Variants in SH3RF2 observed in about 807,000 individuals in gnomAD.
The protein encoded by SH3RF2 is SH3 domain containing ring finger 2, also known as E3 ubiquitin-protein ligase SH3RF2.
Under a neutral mutation model 59.0 loss-of-function variants are expected in SH3RF2, and 43 were observed. The ratio of observed to expected loss-of-function variants is 0.73; its 90% CI spans 0.57 to 0.94. The LOEUF (loss-of-function observed/expected upper bound fraction) is 0.94, where lower values mean the gene tolerates loss of function less well. Ranked by LOEUF, SH3RF2 falls within the 40% of genes least tolerant of loss-of-function variation. The probability of loss-of-function intolerance (pLI) is 0.00; values close to 1 mark genes in which losing one functional copy is unlikely to be tolerated. For synonymous variants in SH3RF2, 391 were observed against 391.5 expected (o/e 1.00, Z 0.01); for missense variants, 930 against 940.1 (o/e 0.99, Z 0.14).
intron 2 of SH3RF2, among the ~76,000 whole-genome samples, chr5:145,967,729 G>A (rs1433489366): frequency 1.3e-5 from 2 of 151,892 alleles, no homozygotes; most frequent in African/African-American, 2.4e-5. Flanking sequence ...GTACAATCTC[G>A]GCTCACTGCA....
In SH3RF2 at chr5:145,938,006, C is replaced by G. The variant is rs941904350; in HGVS notation, c.78C>G (p.Leu26=). Residue 26 remains leucine (L), a synonymous_variant, in exon 2 of 10, where the codon CTC becomes CTG. Coordinates refer to ENST00000359120, the MANE Select transcript of SH3RF2 (RefSeq NM_152550.4). ...AGCTCGATGTCACAGCCAAAGTCCT[C>G]CCTTGCCAGCACACCTTCTGCAAAC... is the stretch of plus-strand genomic sequence containing the variant. ...FEKLDVTAKV[L]PCQHTFCKPC... 6.2e-7 allele frequency: 1 copy of G among 1,614,218 alleles called. No individual in the cohort carries two copies. The highest frequency in any genetic ancestry group is 1.7e-5 in the Admixed American group (1 of 60,026).
intron 2 of SH3RF2, among the ~76,000 whole-genome samples, chr5:145,972,274 C>A (rs558565549): frequency 6.6e-6 from 1 of 152,100 alleles, no homozygotes; most frequent in East Asian, 1.9e-4. Context: ...AGGTCATGCC[C>A]TTAACTACAA....
chr5:145,938,070 C>G lies in SH3RF2; in HGVS notation c.142C>G (p.Arg48Gly). The change falls in exon 2 of 10, where the codon CGG (arginine) becomes GGG (glycine). Residue 48 changes from arginine to glycine, a missense_variant. By Grantham distance (125) the Arg-to-Gly change is moderately radical. Transcript: ENST00000359120. ...QRVFKAHKEL[R>G]CPECRTPVFS... is the part of the protein sequence containing the mutation. ...GGTTTTCAAGGCCCACAAAGAGCTG[C>G]GGTGCCCCGAATGCAGGACGCCTGT... 6.2e-7 allele frequency: 1 copy of G among 1,614,232 alleles called. No individual in the cohort carries two copies. The highest frequency in any genetic ancestry group is 8.5e-7 in the Non-Finnish European group (1 of 1,180,032).
chr5:146,014,866 A>G (rs1227122257), intron 5 of SH3RF2, among the ~76,000 whole-genome samples: 1 of 152,236 alleles, frequency 6.6e-6, no homozygotes, highest in Non-Finnish European at 1.5e-5. Context: ...GTGGCAATCC[A>G]GAAGCTGAAG....
rs143139281 is a variant in SH3RF2 at position 145,963,137 on chromosome 5, T to A, written c.378+24831T>A. 7.1e-4 allele frequency among the ~76,000 whole-genome samples: 108 copies of A among 152,064 alleles called. 1 individual carries two copies. The highest frequency in any genetic ancestry group is 2.3e-3 in the African/African-American group (96 of 41,500). ...TGGTCTCGATCTCCTGACCTCATAA[T>A]CCACCCACCTCGGCCTCCCAAAGTG... On this transcript the variant is annotated intron_variant, in intron 2 of 9. Coordinates refer to ENST00000359120, the MANE Select transcript of SH3RF2 (RefSeq NM_152550.4).
At chr5:146,068,089 G>A (rs1039984068), downstream of SH3RF2, among the ~76,000 whole-genome samples, 17 of 152,242 alleles carry the variant, frequency 1.1e-4, no homozygotes, top group African/African-American at 2.2e-4. Context: ...TAGGAAAGGC[G>A]CTGAGTGGGA....
At chr5:145,970,343 G>T (rs1257521476) in intron 2 of SH3RF2, among the ~76,000 whole-genome samples, 1 of 151,624 alleles carries the variant, frequency 6.6e-6, no homozygotes, top group African/African-American at 2.4e-5. Context: ...TCATAGTTTA[G>T]CTCCCACTTA....
intron 2 of SH3RF2, among the ~76,000 whole-genome samples, chr5:145,989,015 T>A (rs1759828674): frequency 6.6e-6 from 1 of 152,196 alleles, no homozygotes; most frequent in African/African-American, 2.4e-5. Context: ...TACAGTACAA[T>A]TTTTGACCCC....
At chr5:145,989,876 C>A (rs1000540373) in intron 2 of SH3RF2, among the ~76,000 whole-genome samples, 1 of 152,170 alleles carries the variant, frequency 6.6e-6, no homozygotes, top group South Asian at 2.1e-4. Context: ...CTGTTATCAG[C>A]CTTTACCTCC....
chr5:145,942,478 T>C (rs1581371777), intron 2 of SH3RF2, among the ~76,000 whole-genome samples: 1 of 152,004 alleles, frequency 6.6e-6, no homozygotes, highest in Admixed American at 6.6e-5. Context: ...GGAAAAAAAA[T>C]GAGGTCAGAA....
At chr5:146,033,086 T>C (rs1412074385) in intron 5 of SH3RF2, among the ~76,000 whole-genome samples, 2 of 152,230 alleles carry the variant, frequency 1.3e-5, no homozygotes, top group Non-Finnish European at 2.9e-5. Flanking sequence ...ACTAATCATA[T>C]GTTTTTGCCT....
intron 4 of SH3RF2, among the ~76,000 whole-genome samples, chr5:146,004,497 G>T (rs1251124540): frequency 6.6e-6 from 1 of 152,112 alleles, no homozygotes; most frequent in Non-Finnish European, 1.5e-5. Flanking sequence ...AAAGATAGAT[G>T]TACAAAATAT....
rs185135823 is a variant in SH3RF2 at position 145,970,025 on chromosome 5, A to G, written c.379-30033A>G. On this transcript the variant is annotated intron_variant, in intron 2 of 9. Transcript: ENST00000359120. ...TCGGGTGCAAAATAAACCTACTCATATTGCCTAATAATGATGATGGCTAAC... is the reference window on the plus strand; with the variant it reads ...TCGGGTGCAAAATAAACCTACTCATGTTGCCTAATAATGATGATGGCTAAC... Among the ~76,000 whole-genome samples, 5 of 152,222 alleles carry G rather than the reference A, an allele frequency of 3.3e-5. No individual in the cohort carries two copies. In the East Asian group the frequency reaches 9.7e-4, roughly 29 times the overall value.
chr5:146,054,751 C>T (rs997339364), intron 7 of SH3RF2, among the ~76,000 whole-genome samples: 1 of 152,158 alleles, frequency 6.6e-6, no homozygotes. Flanking sequence ...ATTACTTTGT[C>T]AATCAAAAGA....
chr5:145,948,184 C>T (rs1404934745), intron 2 of SH3RF2, among the ~76,000 whole-genome samples: 2 of 152,072 alleles, frequency 1.3e-5, no homozygotes, highest in African/African-American at 4.8e-5. Context: ...CCACTTTATA[C>T]AAGAGGTTTG....
intron 3 of SH3RF2, among the ~76,000 whole-genome samples, chr5:146,002,432 C>T (rs1230628638): frequency 6.8e-6 from 1 of 146,352 alleles, no homozygotes; most frequent in Non-Finnish European, 1.5e-5. Context: ...GCCTGGGCAA[C>T]AGAGCGAGAC....
At chr5:146,064,586 GGAGAGAGAGA>G (rs70998047), downstream of SH3RF2, among the ~76,000 whole-genome samples, 6 of 41,446 alleles carry the variant, frequency 1.4e-4, no homozygotes, top group African/African-American at 2.3e-4. Flanking sequence ...GAAGGAAGGG[GGAGAGAGAGA>G]GAGAGAGAGA....
At chr5:145,948,696 C>CA (rs1580756257) in intron 2 of SH3RF2, among the ~76,000 whole-genome samples, 1 of 152,232 alleles carries the variant, frequency 6.6e-6, no homozygotes, top group African/African-American at 2.4e-5. Flanking sequence ...TGGCTGATGG[C>CA]AACCCACCCT....
chr5:146,060,266 C>G (rs770995816), intron 9 of SH3RF2, 42 bp downstream of exon 9: 13 of 1,512,250 alleles, frequency 8.6e-6, no homozygotes, highest in South Asian at 1.3e-5. Context: ...CTTTCGATCC[C>G]GTACTATGCA....
Sources: allele counts gnomAD v4.1 joint callset (sites outside exome capture counted in the v4.1 genomes callset), GRCh38; gene constraint gnomAD v4.1.1; transcripts MANE v1.5; gene names NCBI Gene and HGNC (gene_info 2026-07-23, HGNC 2026-07-21).